Variants in THSD4 observed in about 807,000 individuals in gnomAD.
THSD4 encodes the protein thrombospondin type 1 domain containing 4.
In THSD4, 69 loss-of-function variants were observed where a neutral mutation model predicts 119.0. The ratio of observed to expected loss-of-function variants is 0.58; its 90% CI spans 0.48 to 0.71. THSD4 has a LOEUF of 0.71. Among genes scored for constraint, THSD4 ranks in the 30% least tolerant of loss-of-function variants. THSD4 has a pLI of 0.00. For synonymous variants in THSD4, 524 were observed against 540.4 expected (o/e 0.97, Z 0.42); for missense variants, 1,393 against 1,391.1 (o/e 1.00, Z -0.02).
At chr15:71,593,916 C>G (rs541037382) in intron 7 of THSD4, among the ~76,000 whole-genome samples, 27 of 150,316 alleles carry the variant, frequency 1.8e-4, no homozygotes, top group African/African-American at 6.4e-4. Flanking sequence ...CTTCCCACCC[C>G]CCCGGCAAAA....
chr15:71,271,229 A>T (rs72759661), intron 6 of THSD4, among the ~76,000 whole-genome samples: 154 of 152,364 alleles, frequency 1.0e-3, no homozygotes, highest in Non-Finnish European at 1.9e-3. Context: ...CCAAATATCC[A>T]TCAACAGGAG....
chr15:71,643,969 A>T (rs139351106), intron 7 of THSD4, among the ~76,000 whole-genome samples: 1 of 152,346 alleles, frequency 6.6e-6, no homozygotes, highest in African/African-American at 2.4e-5. Flanking sequence ...GTGGTTGAGT[A>T]TATATGATGT....
At chr15:71,515,055 T>C (rs2140768283) in intron 7 of THSD4, among the ~76,000 whole-genome samples, 1 of 152,330 alleles carries the variant, frequency 6.6e-6, no homozygotes, top group Non-Finnish European at 1.5e-5. Flanking sequence ...GAAGTGGAAA[T>C]TCTAGGTCAA....
intron 6 of THSD4, among the ~76,000 whole-genome samples, chr15:71,380,767 G>T (rs1382954206): frequency 6.6e-6 from 1 of 150,680 alleles, no homozygotes; most frequent in Non-Finnish European, 1.5e-5. Context: ...GCAATCTGGA[G>T]ACACAGTAGA....
At chr15:71,129,445 C>A (rs141743591) in intron 1 of THSD4, among the ~76,000 whole-genome samples, 1 of 152,118 alleles carries the variant, frequency 6.6e-6, no homozygotes, top group East Asian at 1.9e-4. Flanking sequence ...TGTAGGGCAT[C>A]GTAGCCATTG....
At chr15:71,470,379 C>T (rs1041388376) in intron 7 of THSD4, among the ~76,000 whole-genome samples, 4 of 152,166 alleles carry the variant, frequency 2.6e-5, no homozygotes, top group Admixed American at 1.3e-4. Flanking sequence ...GTGAATGCTG[C>T]ACAGTCTCAA....
intron 11 of THSD4, among the ~76,000 whole-genome samples, chr15:71,743,823 T>C (rs2053281365): frequency 6.6e-6 from 1 of 152,208 alleles, no homozygotes; most frequent in Non-Finnish European, 1.5e-5. Context: ...CTTTCATGAC[T>C]GATGAAATAT....
At position 71,117,358 on chromosome 15, in the gene THSD4, C is replaced by T. The variant is rs35914101; in HGVS notation, c.-80+1660C>T. Among the ~76,000 whole-genome samples the T allele has an allele frequency of 3.2e-3, 494 of 152,164 alleles. 2 individuals carry two copies. Among genetic ancestry groups the T allele is most frequent in the Non-Finnish European group, 5.7e-3 (391 of 68,006 alleles). On this transcript the variant is annotated intron_variant, in intron 1 of 17. Coordinates refer to ENST00000261862, the MANE Select transcript of THSD4 (RefSeq NM_024817.3). ...TTGGAGTTTGTTTTTGTTTTTGCCT[C>T]GAAAAACTTGTGGAGATTGCAATCA...
At chr15:71,382,493 A>T (rs2046241008) in intron 6 of THSD4, among the ~76,000 whole-genome samples, 1 of 152,258 alleles carries the variant, frequency 6.6e-6, no homozygotes, top group Admixed American at 6.5e-5. Flanking sequence ...TCTACATCTT[A>T]TCCATTTAGT....
intron 7 of THSD4, among the ~76,000 whole-genome samples, chr15:71,477,230 C>T (rs969950110): frequency 6.6e-6 from 1 of 152,168 alleles, no homozygotes; most frequent in Non-Finnish European, 1.5e-5. Flanking sequence ...GAGGGTGTGA[C>T]GCCACTGGTT....
chr15:71,265,219 A>G (rs566550668), intron 6 of THSD4, among the ~76,000 whole-genome samples: 1 of 152,200 alleles, frequency 6.6e-6, no homozygotes, highest in Admixed American at 6.5e-5. Context: ...TCAATGCAGA[A>G]GGCAGGTGAT....
intron 7 of THSD4, among the ~76,000 whole-genome samples, chr15:71,566,901 AT>A (rs76547678): frequency 0.079 from 11,782 of 148,650 alleles, 483 homozygotes; most frequent in Admixed American, 0.12. Context: ...GAGTACTGTC[AT>A]TTTTTTTTTT....
chr15:71,337,351 T>A (rs924444188), intron 6 of THSD4, among the ~76,000 whole-genome samples: 1 of 150,874 alleles, frequency 6.6e-6, no homozygotes, highest in African/African-American at 2.4e-5. Context: ...GAGCCAGGAG[T>A]GAAAAGTGGG....
intron 7 of THSD4, among the ~76,000 whole-genome samples, chr15:71,640,249 A>AT (rs201551522): frequency 0.11 from 15,895 of 146,416 alleles, 1,138 homozygotes; most frequent in East Asian, 0.25. Flanking sequence ...TGCTCAGCTA[A>AT]TTTTTTTTTT....
At chr15:71,373,942 A>G (rs537088891) in intron 6 of THSD4, among the ~76,000 whole-genome samples, 5 of 152,234 alleles carry the variant, frequency 3.3e-5, no homozygotes, top group African/African-American at 4.8e-5. Flanking sequence ...CTTGTCTGCA[A>G]TCAGTTGTAA....
chr15:71,405,410 T>G (rs183286752), intron 6 of THSD4, among the ~76,000 whole-genome samples: 1 of 152,252 alleles, frequency 6.6e-6, no homozygotes, highest in Non-Finnish European at 1.5e-5. Context: ...GCATGGTAGA[T>G]ATGCAAAGTT....
intron 4 of THSD4, among the ~76,000 whole-genome samples, chr15:71,233,483 A>C (rs578006078): frequency 3.9e-5 from 6 of 152,182 alleles, no homozygotes; most frequent in Non-Finnish European, 7.4e-5. Flanking sequence ...CTTTAAAAAA[A>C]ACACACACGC....
chr15:71,201,246 G>A (rs1238911326), intron 3 of THSD4, among the ~76,000 whole-genome samples: 1 of 152,124 alleles, frequency 6.6e-6, no homozygotes, highest in African/African-American at 2.4e-5. Flanking sequence ...TTTCATAATG[G>A]TACTTCTGCT....
chr15:71,591,000 C>A, intron 7 of THSD4, among the ~76,000 whole-genome samples: 1 of 28,890 alleles, frequency 3.5e-5, no homozygotes. Flanking sequence ...AGCAAGACTC[C>A]ATCTCAAAAA....
Sources: gnomAD v4.1 joint callset for allele counts (sites outside exome capture counted in the v4.1 genomes callset) on GRCh38, gnomAD v4.1.1 for gene constraint, MANE v1.5 for transcripts, NCBI Gene and HGNC (gene_info 2026-07-23, HGNC 2026-07-21) for gene names.